The following XPR1 variants were observed in gnomAD, a reference collection of about 807,000 sequenced individuals.
XPR1 encodes solute carrier family 53 member 1.
A neutral mutation model predicts 87.5 loss-of-function variants in XPR1; 28 were observed. The ratio of observed to expected loss-of-function variants is 0.32; its 90% CI spans 0.24 to 0.44. XPR1 has a LOEUF of 0.44. XPR1 is among the 20% of genes least tolerant of loss of function. The pLI is 1.00. For synonymous variants in XPR1, 300 were observed against 306.1 expected (o/e 0.98, Z 0.21); for missense variants, 559 against 862.3 (o/e 0.65, Z 4.41).
chr1:180,835,225 A>T (rs1024845994), intron 10 of XPR1, among the ~76,000 whole-genome samples, 180 bp downstream of exon 10: 2 of 152,212 alleles, frequency 1.3e-5, no homozygotes, highest in Non-Finnish European at 2.9e-5. Flanking sequence ...TGGCTTTTAA[A>T]TTATGCATTA....
chr1:180,756,082 C>G (rs1647726370), intron 2 of XPR1, among the ~76,000 whole-genome samples: 1 of 152,216 alleles, frequency 6.6e-6, no homozygotes, highest in Non-Finnish European at 1.5e-5. Flanking sequence ...TCAAACAAGT[C>G]TGTCATGTGC....
At chr1:180,830,348 G>A (rs1161376329) in intron 9 of XPR1, among the ~76,000 whole-genome samples, 1 of 152,164 alleles carries the variant, frequency 6.6e-6, no homozygotes, top group Admixed American at 6.6e-5. Context: ...TGGAATGAAA[G>A]TATATCAGCA....
At chr1:180,826,065 GA>G (rs1221078866) in intron 9 of XPR1, among the ~76,000 whole-genome samples, 6 of 151,792 alleles carry the variant, frequency 4.0e-5, no homozygotes, top group African/African-American at 1.2e-4. Flanking sequence ...AAAAGAAAAA[GA>G]AAAATTGACT....
chr1:180,879,492 G>A (rs1652775914), intron 13 of XPR1, among the ~76,000 whole-genome samples: 1 of 152,138 alleles, frequency 6.6e-6, no homozygotes, highest in Admixed American at 6.5e-5. Context: ...TGACCTTGCT[G>A]TTGTTTCCAA....
intron 7 of XPR1, among the ~76,000 whole-genome samples, chr1:180,820,104 ATTAC>A (rs988814011): frequency 2.0e-5 from 3 of 152,084 alleles, no homozygotes; most frequent in Non-Finnish European, 4.4e-5. Context: ...AGATATATTT[ATTAC>A]TTTTTTCCTT....
intron 2 of XPR1, among the ~76,000 whole-genome samples, chr1:180,733,269 C>T (rs1423829688): frequency 2.0e-5 from 3 of 152,110 alleles, no homozygotes; most frequent in Non-Finnish European, 4.4e-5. Flanking sequence ...TATTTTTGTT[C>T]CTAGCCCTAG....
chr1:180,699,366 C>T (rs1357369656), intron 2 of XPR1, among the ~76,000 whole-genome samples: 1 of 107,156 alleles, frequency 9.3e-6, no homozygotes, highest in Admixed American at 9.8e-5. Flanking sequence ...CCTCCCCCCT[C>T]CCCCGACCCC....
chr1:180,881,048 CAGAA>C (rs1451610415), intron 14 of XPR1, among the ~76,000 whole-genome samples: 4 of 151,872 alleles, frequency 2.6e-5, no homozygotes, highest in African/African-American at 9.7e-5. Flanking sequence ...AAATGAAGTG[CAGAA>C]AGAAAAACCA....
chr1:180,793,873 C>T (rs1165645469), intron 3 of XPR1, among the ~76,000 whole-genome samples: 1 of 152,098 alleles, frequency 6.6e-6, no homozygotes, highest in Non-Finnish European at 1.5e-5. Context: ...TTCCTTCCTT[C>T]CTTCTGTCTC....
intron 1 of XPR1, among the ~76,000 whole-genome samples, chr1:180,633,805 G>A (rs1654676379): frequency 1.3e-5 from 2 of 152,236 alleles, no homozygotes; most frequent in Admixed American, 6.5e-5. Context: ...TTGAAAGAAG[G>A]GTATTGGTCT....
At chr1:180,879,235 T>C (rs1414333563) in intron 13 of XPR1, among the ~76,000 whole-genome samples, 1 of 152,230 alleles carries the variant, frequency 6.6e-6, no homozygotes, top group Non-Finnish European at 1.5e-5. Flanking sequence ...ATCATCTCTT[T>C]TCTGGACTGC....
chr1:180,743,764 T>C (rs1658995588), intron 2 of XPR1, among the ~76,000 whole-genome samples: 1 of 152,214 alleles, frequency 6.6e-6, no homozygotes, highest in Non-Finnish European at 1.5e-5. Context: ...AATGGATATG[T>C]ATTCTGGGCT....
intron 7 of XPR1, 123 bp downstream of exon 7, chr1:180,811,611 A>C (rs1353281650): frequency 6.7e-6 from 5 of 744,362 alleles, no homozygotes; most frequent in Non-Finnish European, 8.2e-6. Context: ...TATCAGGGCT[A>C]AGTTTTTTGT....
At chr1:180,849,476 A>G (rs1651796374) in intron 11 of XPR1, among the ~76,000 whole-genome samples, 1 of 152,192 alleles carries the variant, frequency 6.6e-6, no homozygotes, top group South Asian at 2.1e-4. Flanking sequence ...AGTCTAATTG[A>G]GTAGGATTAG....
At chr1:180,679,932 CAG>C (rs1308951289) in intron 1 of XPR1, among the ~76,000 whole-genome samples, 7 of 151,876 alleles carry the variant, frequency 4.6e-5, no homozygotes, top group Non-Finnish European at 8.8e-5. Context: ...GCAAAGGAAA[CAG>C]AGTGAAAAAA....
chr1:180,687,335 C>T (rs975066799), intron 2 of XPR1, among the ~76,000 whole-genome samples: 22 of 152,066 alleles, frequency 1.4e-4, no homozygotes, highest in African/African-American at 4.6e-4. Flanking sequence ...CTCAAAATGA[C>T]AAATATTTAT....
At chr1:180,653,403 A>G (rs1251047362) in intron 1 of XPR1, among the ~76,000 whole-genome samples, 1 of 152,200 alleles carries the variant, frequency 6.6e-6, no homozygotes, top group African/African-American at 2.4e-5. Context: ...GGCCTAAAGT[A>G]AGAGGTAAAT....
chr1:180,765,229 A>T (rs1648232437), intron 2 of XPR1, among the ~76,000 whole-genome samples: 1 of 152,174 alleles, frequency 6.6e-6, no homozygotes, highest in Non-Finnish European at 1.5e-5. Flanking sequence ...AAGAGCTAGG[A>T]TTTAAACCTG....
Position 180,708,069 on chromosome 1 carries a change from A to G in XPR1, c.121+25658A>G, listed in dbSNP as rs572274560. On this transcript the variant is annotated intron_variant, in intron 2 of 14. Coordinates refer to ENST00000367590, the MANE Select transcript of XPR1 (RefSeq NM_004736.4). ...TATTTAGGCACAATATTCGGCCAATATGAAAAAACTGGAAAAAATAGATAC... is the reference window on the plus strand; with the variant it reads ...TATTTAGGCACAATATTCGGCCAATGTGAAAAAACTGGAAAAAATAGATAC... 2.6e-5 allele frequency among the ~76,000 whole-genome samples: 4 copies of G among 152,346 alleles called. 1 individual carries two copies. The South Asian group carries it at 8.3e-4, about 32-fold the overall frequency.
Sources: gnomAD v4.1 joint callset for allele counts (sites outside exome capture counted in the v4.1 genomes callset) on GRCh38, gnomAD v4.1.1 for gene constraint, MANE v1.5 for transcripts, NCBI Gene and HGNC (gene_info 2026-07-23, HGNC 2026-07-21) for gene names.